The following DSCAM variants were observed in gnomAD, a reference collection of about 807,000 sequenced individuals.
DSCAM encodes DS cell adhesion molecule, also known as cell adhesion molecule DSCAM.
Under a neutral mutation model 217.7 loss-of-function variants are expected in DSCAM, and 47 were observed. The observed-to-expected ratio is 0.22, with a 90% CI of 0.17 to 0.28. DSCAM has a LOEUF of 0.28. DSCAM is among the 10% of genes least tolerant of loss of function. DSCAM has a pLI of 1.00. For missense variants in DSCAM, 2,080 were observed against 2,618.3 expected, an observed-to-expected ratio of 0.79 and a Z score of 4.49; for synonymous variants, 1,056 against 1,015.3, an observed-to-expected ratio of 1.04 and a Z score of -0.76.
At chr21:40,806,886 C>T (rs1297004208) in intron 1 of DSCAM, among the ~76,000 whole-genome samples, 2 of 152,104 alleles carry the variant, frequency 1.3e-5, no homozygotes, top group African/African-American at 4.8e-5. Flanking sequence ...CACATATTCT[C>T]ACTCACAGGT....
At chr21:40,826,688 CTG>C (rs2091971358) in intron 1 of DSCAM, among the ~76,000 whole-genome samples, 1 of 152,178 alleles carries the variant, frequency 6.6e-6, no homozygotes, top group African/African-American at 2.4e-5. Flanking sequence ...AAGGACGACT[CTG>C]AGATTTCTGT....
Position 40,275,744 on chromosome 21 carries a change from T to C in DSCAM, c.2356+353A>G, listed in dbSNP as rs149219436. 2.0e-3 allele frequency among the ~76,000 whole-genome samples: 308 copies of C among 152,244 alleles called. 3 individuals are homozygous for C. The highest frequency in any genetic ancestry group is 7.0e-3 in the African/African-American group (289 of 41,558). On this transcript the variant is annotated intron_variant, in intron 11 of 32. Coordinates refer to ENST00000400454, the MANE Select transcript of DSCAM (RefSeq NM_001389.5). ...CATCTGAGACCATGTATTGAGTTTT[T>C]CCACGGGAAAATCAACAGGGTAGCA...
intron 1 of DSCAM, among the ~76,000 whole-genome samples, chr21:40,844,767 A>C (rs1262500076): frequency 6.6e-6 from 1 of 151,432 alleles, no homozygotes; most frequent in Admixed American, 6.6e-5. Context: ...AATAGTCTGT[A>C]TCAGTATCAT....
At chr21:40,261,840 C>T (rs1255064674) in intron 11 of DSCAM, among the ~76,000 whole-genome samples, 2 of 152,018 alleles carry the variant, frequency 1.3e-5, no homozygotes, top group Non-Finnish European at 2.9e-5. Context: ...AATGGTAGTA[C>T]CTCTCCAAAA....
At chr21:40,779,936 G>C (rs890551827) in intron 1 of DSCAM, among the ~76,000 whole-genome samples, 1 of 152,170 alleles carries the variant, frequency 6.6e-6, no homozygotes, top group African/African-American at 2.4e-5. Context: ...TATATATACA[G>C]CTATATCCAT....
At chr21:40,322,510 A>G (rs2074270264) in intron 8 of DSCAM, among the ~76,000 whole-genome samples, 1 of 130,546 alleles carries the variant, frequency 7.7e-6, no homozygotes, top group Non-Finnish European at 1.7e-5. Context: ...TCATTATAGA[A>G]AGCGGGAGCA....
chr21:40,214,735 C>CAAAAAAAAAAAA (rs1209648217), intron 11 of DSCAM, among the ~76,000 whole-genome samples: 66 of 67,426 alleles, frequency 9.8e-4, no homozygotes, highest in Non-Finnish European at 1.9e-3. Flanking sequence ...GCAACAACAG[C>CAAAAAAAAAAAA]AAAAAAAAAA....
intron 3 of DSCAM, among the ~76,000 whole-genome samples, chr21:40,644,312 T>G (rs958629802): frequency 1.8e-4 from 27 of 152,224 alleles, no homozygotes; most frequent in Admixed American, 1.8e-3. Flanking sequence ...TCAAGTGGTT[T>G]ATCTGTAGTT....
intron 10 of DSCAM, among the ~76,000 whole-genome samples, chr21:40,295,443 A>C (rs1669641278): frequency 6.6e-6 from 1 of 152,142 alleles, no homozygotes. Flanking sequence ...TGTCACCTAA[A>C]ACCCAGGAGC....
chr21:40,342,899 G>C (rs547532561), intron 6 of DSCAM, among the ~76,000 whole-genome samples: 2 of 150,600 alleles, frequency 1.3e-5, no homozygotes, highest in South Asian at 4.2e-4. Flanking sequence ...CACATTAATC[G>C]TTTTAGAGAG....
intron 3 of DSCAM, among the ~76,000 whole-genome samples, chr21:40,560,042 C>G (rs2076707844): frequency 6.6e-6 from 1 of 152,164 alleles, no homozygotes; most frequent in Admixed American, 6.5e-5. Context: ...ATCCGCCCGC[C>G]TTGGCCTCCC....
Position 40,708,664 on chromosome 21 carries a change from T to A in DSCAM, c.151A>T (p.Ile51Phe). The A allele has an allele frequency of 1.2e-6, 2 of 1,613,500 alleles. No homozygotes were observed. The highest frequency in any genetic ancestry group is 2.2e-5 in the South Asian group (2 of 90,798). The change falls in exon 2 of 33, where the codon ATC becomes TTC. Residue 51 changes from isoleucine to phenylalanine, a missense_variant. By Grantham distance (21) the Ile-to-Phe change is conservative. This residue lies in a region of DSCAM where 568 missense variants were observed against 678.1 expected (regional missense o/e 0.84). Transcript: ENST00000400454. Reference sequence around the variant, plus strand: ...TACCATCTGAGAGTCACAGGAGGGATGCCTGCTGCGGGGCAGGGCACCAGA... The same window carrying A: ...TACCATCTGAGAGTCACAGGAGGGAAGCCTGCTGCGGGGCAGGGCACCAGA... ...GTLVPCPAAGIPPVTLRWYLA... is the reference protein window; with the variant it reads ...GTLVPCPAAGFPPVTLRWYLA...
At chr21:40,084,032 A>G (rs776654734) in intron 23 of DSCAM, 26 bp from the exon 24 acceptor site, 1 of 1,581,312 alleles carries the variant, frequency 6.3e-7, no homozygotes, top group South Asian at 1.1e-5. Context: ...TTTTTAGAAA[A>G]CAAGAATTAG....
chr21:40,457,504 C>T (rs1247189518), intron 3 of DSCAM, among the ~76,000 whole-genome samples: 1 of 150,712 alleles, frequency 6.6e-6, no homozygotes, highest in African/African-American at 2.5e-5. Context: ...AGAGAAAGAC[C>T]CTGTCTCAAA....
chr21:40,793,291 A>G (rs956704328), intron 1 of DSCAM, among the ~76,000 whole-genome samples: 10 of 152,176 alleles, frequency 6.6e-5, no homozygotes, highest in African/African-American at 2.4e-4. Flanking sequence ...GACTGGACAT[A>G]CAAAAGATCA....
At chr21:40,129,630 C>T (rs560292919) in intron 19 of DSCAM, among the ~76,000 whole-genome samples, 12 of 152,264 alleles carry the variant, frequency 7.9e-5, no homozygotes, top group African/African-American at 1.7e-4. Context: ...TCTTGTCTGT[C>T]GTGTTGCTGG....
chr21:40,268,358 C>T (rs538227929), intron 11 of DSCAM, among the ~76,000 whole-genome samples: 1 of 152,244 alleles, frequency 6.6e-6, no homozygotes, highest in African/African-American at 2.4e-5. Context: ...TCCAAGGGAA[C>T]TAAGCAGTGA....
At chr21:40,094,043 A>G (rs1318619054) in intron 20 of DSCAM, among the ~76,000 whole-genome samples, 169 bp from the exon 21 acceptor site, 2 of 152,122 alleles carry the variant, frequency 1.3e-5, no homozygotes, top group African/African-American at 4.8e-5. Flanking sequence ...AGTTTAAGTG[A>G]CCCACCATCT....
At chr21:40,037,638 C>T (rs554849189) in intron 32 of DSCAM, among the ~76,000 whole-genome samples, 1 of 149,872 alleles carries the variant, frequency 6.7e-6, no homozygotes, top group Non-Finnish European at 1.5e-5. Flanking sequence ...GCTACCAATG[C>T]CTTTCTTCAC....
Sources: allele counts gnomAD v4.1 joint callset (sites outside exome capture counted in the v4.1 genomes callset), GRCh38; gene constraint gnomAD v4.1.1; regional missense constraint gnomAD v4.1.1; transcripts MANE v1.5; gene names NCBI Gene and HGNC (gene_info 2026-07-23, HGNC 2026-07-21).